The following PTPRK variants were observed in gnomAD, a reference collection of about 807,000 sequenced individuals.
PTPRK encodes protein tyrosine phosphatase receptor type K, also known as receptor-type tyrosine-protein phosphatase kappa.
In PTPRK, 75 loss-of-function variants were observed where a neutral mutation model predicts 178.0. The ratio of observed to expected loss-of-function variants is 0.42; its 90% CI spans 0.35 to 0.51. The LOEUF (loss-of-function observed/expected upper bound fraction) is 0.51. PTPRK is among the 20% of genes least tolerant of loss of function. The pLI, the probability that PTPRK is intolerant of heterozygous loss-of-function variation, is 0.02. For synonymous variants in PTPRK, 637 were observed against 620.6 expected, an observed-to-expected ratio of 1.03 and a Z score of -0.39; for missense variants, 1,441 against 1,797.8, an observed-to-expected ratio of 0.80 and a Z score of 3.59.
At chr6:127,970,379 T>G in intron 29 of PTPRK, 99 bp from the exon 30 acceptor site, 1 of 848,960 alleles carries the variant, frequency 1.2e-6, no homozygotes, top group Non-Finnish European at 1.8e-6. Flanking sequence ...TTTAGATTAC[T>G]CAAGGATTAC....
intron 2 of PTPRK, among the ~76,000 whole-genome samples, chr6:128,335,897 T>C (rs1830858285): frequency 6.6e-6 from 1 of 152,150 alleles, no homozygotes; most frequent in Non-Finnish European, 1.5e-5. Context: ...TAATATTAAA[T>C]CATATCCCAG....
chr6:128,105,937 T>G (rs542580724), intron 7 of PTPRK, among the ~76,000 whole-genome samples: 2 of 152,290 alleles, frequency 1.3e-5, no homozygotes, highest in Admixed American at 6.5e-5. Context: ...TAGAACAAGT[T>G]TCACAAGAGT....
At chr6:128,485,877 C>T (rs553982032) in intron 1 of PTPRK, among the ~76,000 whole-genome samples, 20 of 152,278 alleles carry the variant, frequency 1.3e-4, no homozygotes, top group Non-Finnish European at 2.6e-4. Context: ...AAATCAGCGT[C>T]TTTCTTGAGT....
intron 7 of PTPRK, among the ~76,000 whole-genome samples, chr6:128,114,345 T>C (rs1441667882): frequency 6.6e-6 from 1 of 151,800 alleles, no homozygotes; most frequent in East Asian, 1.9e-4. Flanking sequence ...TGGCCAGGCG[T>C]GGTGGCTCAT....
At chr6:128,334,015 GAAGA>G (rs1342758192) in intron 2 of PTPRK, among the ~76,000 whole-genome samples, 2 of 152,208 alleles carry the variant, frequency 1.3e-5, no homozygotes, top group East Asian at 3.9e-4. Context: ...CTGAGGAGAG[GAAGA>G]AAGACGGGAA....
chr6:128,384,771 A>T (rs1215196635), intron 2 of PTPRK, among the ~76,000 whole-genome samples: 1 of 151,902 alleles, frequency 6.6e-6, no homozygotes, highest in Non-Finnish European at 1.5e-5. Context: ...TTTTTTTTTT[A>T]AAGCTTTTGC....
intron 3 of PTPRK, among the ~76,000 whole-genome samples, chr6:128,291,355 G>T (rs758663612): frequency 6.6e-6 from 1 of 152,074 alleles, no homozygotes; most frequent in South Asian, 2.1e-4. Context: ...CCAACACCTT[G>T]ATTTTAGACC....
intron 1 of PTPRK, among the ~76,000 whole-genome samples, chr6:128,489,733 T>C (rs534458537): frequency 1.3e-5 from 2 of 152,368 alleles, no homozygotes; most frequent in East Asian, 3.9e-4. Context: ...ATGTATTCAT[T>C]ATAAGTTTTG....
rs181220909 is a variant in PTPRK, at chr6:128,043,696, A to C, written c.2194+21062T>G. ...TATTATAGAAACTATTTAATGTACT[A>C]TTTGTTTGCATGTTATCAATATATA... On this transcript the variant is annotated intron_variant, in intron 13 of 29. Transcript: ENST00000368226. 4.7e-3 allele frequency among the ~76,000 whole-genome samples: 711 copies of C among 152,012 alleles called. 4 individuals carry two copies. Among genetic ancestry groups the C allele is most frequent in the Non-Finnish European group, 6.4e-3 (434 of 67,910 alleles).
rs900435527 is a variant in PTPRK at position 128,207,887 on chromosome 6, T to A, written c.868+11035A>T. Among the ~76,000 whole-genome samples, 3 of 152,066 alleles carry A rather than the reference T, an allele frequency of 2.0e-5. 1 individual carries two copies. In the South Asian group the frequency reaches 6.2e-4, roughly 32 times the overall value. On this transcript the variant is annotated intron_variant, in intron 6 of 29. Transcript: ENST00000368226. Reference sequence around the variant, plus strand: ...ACACAGTGGTTGGTGTCCCATAAACTATCCAAGACTAAAGGTTTTAATTCA... The same window carrying A: ...ACACAGTGGTTGGTGTCCCATAAACAATCCAAGACTAAAGGTTTTAATTCA...
At chr6:128,261,350 T>C (rs897489583) in intron 3 of PTPRK, among the ~76,000 whole-genome samples, 1 of 152,162 alleles carries the variant, frequency 6.6e-6, no homozygotes, top group African/African-American at 2.4e-5. Flanking sequence ...AAAAACACTA[T>C]AACAAAAAAC....
chr6:128,472,285 C>G (rs541085037), intron 1 of PTPRK, among the ~76,000 whole-genome samples: 2 of 152,126 alleles, frequency 1.3e-5, no homozygotes, highest in Admixed American at 6.6e-5. Context: ...TGTTTATTCA[C>G]ATGGTTCGTT....
chr6:128,300,944 C>CT (rs1334566717), intron 3 of PTPRK, among the ~76,000 whole-genome samples: 1 of 151,844 alleles, frequency 6.6e-6, no homozygotes, highest in Non-Finnish European at 1.5e-5. Context: ...CCACACTGCT[C>CT]TATCTTCTTT....
At chr6:128,254,678 C>T (rs181639828) in intron 3 of PTPRK, among the ~76,000 whole-genome samples, 1 of 151,702 alleles carries the variant, frequency 6.6e-6, no homozygotes, top group East Asian at 1.9e-4. Context: ...AAGAATCTTG[C>T]TAAAAATTTT....
chr6:128,450,821 T>C (rs1276340902), intron 1 of PTPRK, among the ~76,000 whole-genome samples: 1 of 152,226 alleles, frequency 6.6e-6, no homozygotes, highest in Non-Finnish European at 1.5e-5. Context: ...TTCTGTATGA[T>C]GAAGGAAAGT....
At chr6:128,394,637 T>C (rs1840042943) in intron 2 of PTPRK, among the ~76,000 whole-genome samples, 1 of 152,218 alleles carries the variant, frequency 6.6e-6, no homozygotes, top group African/African-American at 2.4e-5. Context: ...TTCTGCATGC[T>C]ATTTTTTATT....
chr6:128,322,913 G>A (rs1232479132), intron 2 of PTPRK, among the ~76,000 whole-genome samples: 1 of 152,048 alleles, frequency 6.6e-6, no homozygotes, highest in African/African-American at 2.4e-5. Context: ...TGTAGTGTCA[G>A]TATGAGGGCT....
At position 128,241,938 on chromosome 6, in the gene PTPRK, C is replaced by A. The variant is rs567183243; in HGVS notation, c.577+583G>T. ...CTGGGATTACAGGTGTGCACCACCA[C>A]GCCTGGCTAATTTTTTTTTTTTTTT... On this transcript the variant is annotated intron_variant, in intron 4 of 29. Coordinates refer to ENST00000368226, the MANE Select transcript of PTPRK (RefSeq NM_002844.4). Among the ~76,000 whole-genome samples, 17 of 147,712 alleles carry A rather than the reference C, an allele frequency of 1.2e-4. No individual in the cohort carries two copies. In the East Asian group the frequency reaches 3.0e-3, roughly 26 times the overall value.
At chr6:128,295,984 T>C (rs1440642984) in intron 3 of PTPRK, among the ~76,000 whole-genome samples, 4 of 152,102 alleles carry the variant, frequency 2.6e-5, no homozygotes, top group African/African-American at 9.7e-5. Flanking sequence ...ACGATTAACA[T>C]CACTGAAATC....
Sources: allele counts gnomAD v4.1 joint callset (sites outside exome capture counted in the v4.1 genomes callset), GRCh38; gene constraint gnomAD v4.1.1; transcripts MANE v1.5; gene names NCBI Gene and HGNC (gene_info 2026-07-23, HGNC 2026-07-21).